The following MTA3 variants were observed in gnomAD, a reference collection of about 807,000 sequenced individuals.
MTA3 encodes metastasis-associated protein MTA3.
A neutral mutation model predicts 83.5 loss-of-function variants in MTA3; 34 were observed. The ratio of observed to expected loss-of-function variants is 0.41; its 90% CI spans 0.31 to 0.54. The LOEUF (loss-of-function observed/expected upper bound fraction) is 0.54. MTA3 is among the 20% of genes least tolerant of loss of function. MTA3 has a pLI of 0.33. For synonymous variants in MTA3, 303 were observed against 252.7 expected (o/e 1.20, Z -1.89); for missense variants, 761 against 726.4 (o/e 1.05, Z -0.55).
chr2:42,598,386 T>C (rs1013501604), intron 3 of MTA3, among the ~76,000 whole-genome samples: 15 of 152,194 alleles, frequency 9.9e-5, no homozygotes, highest in Non-Finnish European at 7.3e-5. Context: ...TATTTCTAAA[T>C]AGTGCTTTTA....
chr2:42,756,604 G>A lies in MTA3; in HGVS notation c.*3205G>A. 1 of 985,644 alleles carries A rather than the reference G, an allele frequency of 1.0e-6. No individual in the cohort carries two copies. The highest frequency in any genetic ancestry group is 1.2e-6 in the Non-Finnish European group (1 of 830,068). 61.1% of individuals were successfully genotyped at this position (985,644 alleles called of 1,614,324 possible). ...GTGTTTGGAGATTCTGTTTTACTCT[G>A]CCTAGAGAGGAAACGGCTTTGGGGA... On this transcript the variant is annotated 3_prime_UTR_variant, in exon 17 of 17. Transcript: ENST00000405094.
At chr2:42,533,943 A>C (rs1278656906) in intron 2 of MTA3, among the ~76,000 whole-genome samples, 2 of 152,068 alleles carry the variant, frequency 1.3e-5, no homozygotes, top group Non-Finnish European at 2.9e-5. Flanking sequence ...CTACCAGACA[A>C]GTTTAAGTTG....
chr2:42,692,986 CAA>C (rs1693043144), intron 9 of MTA3, among the ~76,000 whole-genome samples: 1 of 152,236 alleles, frequency 6.6e-6, no homozygotes, highest in African/African-American at 2.4e-5. Flanking sequence ...TTTGCAGACT[CAA>C]AGTACTCCCT....
intron 16 of MTA3, among the ~76,000 whole-genome samples, chr2:42,740,274 G>A (rs750737823): frequency 6.6e-6 from 1 of 152,232 alleles, no homozygotes; most frequent in African/African-American, 2.4e-5. Context: ...ACTTTGGGAG[G>A]CCAAGACAGG....
At position 42,572,204 on chromosome 2, in the gene MTA3, G is replaced by C. The variant is rs199751717; in HGVS notation, c.96+1700G>C. Among the ~76,000 whole-genome samples, 85 of 152,064 alleles carry C rather than the reference G, an allele frequency of 5.6e-4. 2 individuals are homozygous for C. The East Asian group carries it at 9.3e-3, about 17-fold the overall frequency. ...TGGGGCAGGAGAATGGGGTGAACCT[G>C]GGGGGTGGAGCTTGCAGTGAGCCGA... On this transcript the variant is annotated intron_variant, in intron 2 of 16. Transcript: ENST00000405094.
intron 1 of MTA3, 59 bp downstream of exon 1, chr2:42,568,832 G>C: frequency 8.3e-7 from 1 of 1,209,426 alleles, no homozygotes; most frequent in Non-Finnish European, 1.0e-6. Flanking sequence ...GCGGGGGGCC[G>C]GGGCGAGTGC....
intron 16 of MTA3, chr2:42,752,109 A>G (rs1669918143): frequency 2.2e-6 from 1 of 461,860 alleles, no homozygotes; most frequent in African/African-American, 2.0e-5. Flanking sequence ...CATAACCTAC[A>G]GTATGTTCAA....
chr2:42,704,443 A>T, intron 12 of MTA3, 125 bp downstream of exon 12: 1 of 1,075,180 alleles, frequency 9.3e-7, no homozygotes, highest in South Asian at 1.7e-5. Flanking sequence ...TCTCCTCTAA[A>T]TGAGTAGATG....
chr2:42,528,202 G>GGC (rs1675804821), intron 2 of MTA3, among the ~76,000 whole-genome samples: 1 of 151,154 alleles, frequency 6.6e-6, no homozygotes, highest in African/African-American at 2.4e-5. Flanking sequence ...TGGGATTACA[G>GGC]ATGTGAGCCA....
chr2:42,601,854 T>A (rs1259708797), intron 3 of MTA3, among the ~76,000 whole-genome samples: 1 of 152,138 alleles, frequency 6.6e-6, no homozygotes, highest in Non-Finnish European at 1.5e-5. Flanking sequence ...TGTTTTTGTC[T>A]GATCCCATGG....
At chr2:42,703,959 G>C (rs889747806) in intron 11 of MTA3, 5 of 407,636 alleles carry the variant, frequency 1.2e-5, no homozygotes, top group Admixed American at 7.7e-5. Context: ...AGATGGGACA[G>C]TATTTACTTC....
chr2:42,527,730 CAT>C (rs1675782292), intron 2 of MTA3, among the ~76,000 whole-genome samples: 1 of 151,498 alleles, frequency 6.6e-6, no homozygotes, highest in South Asian at 2.1e-4. Flanking sequence ...ATGGCATTTG[CAT>C]ATGTTTCAGC....
At chr2:42,747,246 C>T (rs1353380387) in intron 16 of MTA3, among the ~76,000 whole-genome samples, 7 of 152,124 alleles carry the variant, frequency 4.6e-5, no homozygotes, top group Non-Finnish European at 1.0e-4. Context: ...GTTATCCGCC[C>T]ACCTCAGCCC....
intron 2 of MTA3, among the ~76,000 whole-genome samples, chr2:42,573,512 A>C (rs1168285414): frequency 6.6e-6 from 1 of 151,798 alleles, no homozygotes; most frequent in Non-Finnish European, 1.5e-5. Flanking sequence ...ATACCTGGCT[A>C]ATTTTTTGTT....
chr2:42,753,724 C>T lies in MTA3; in HGVS notation c.*325C>T, dbSNP rs1048762512. The T allele has an allele frequency of 4.7e-5, 55 of 1,170,464 alleles. No individual in the cohort carries two copies. In the African/African-American group the frequency reaches 5.2e-4, roughly 11 times the overall value. 72.5% of individuals were successfully genotyped at this position (1,170,464 alleles called of 1,614,324 possible). A position where few individuals can be genotyped will look rare whatever the true frequency, so the allele number is the denominator to read the frequency against. Reference sequence around the variant, plus strand: ...CGCCCTGCGCCCCACCCAGCAACAGCGGCCACTTGGCAGTGGGGCTGCTGC... The same window carrying T: ...CGCCCTGCGCCCCACCCAGCAACAGTGGCCACTTGGCAGTGGGGCTGCTGC... On this transcript the variant is annotated 3_prime_UTR_variant, in exon 17 of 17. Coordinates refer to ENST00000405094, the MANE Select transcript of MTA3 (RefSeq NM_001330442.2).
At chr2:42,696,998 TC>T (rs1433182709) in intron 10 of MTA3, among the ~76,000 whole-genome samples, 2 of 152,224 alleles carry the variant, frequency 1.3e-5, no homozygotes, top group African/African-American at 4.8e-5. Flanking sequence ...TCCAAAAACT[TC>T]AACCCTGTTC....
chr2:42,644,446 G>GATC (rs1265435362), intron 6 of MTA3, among the ~76,000 whole-genome samples: 14 of 152,172 alleles, frequency 9.2e-5, no homozygotes, highest in African/African-American at 3.4e-4. Context: ...GGCTGGTCTT[G>GATC]ATCTCCTGGC....
rs1678274968 is a variant in MTA3, at chr2:42,569,896, G to C, written c.29-541G>C. Reference sequence around the variant, plus strand: ...GCCCCCTTTTTTCCTCATCTTCCCAGGTAAAACTGTGGAAAAGTTTGTCAG... The same window carrying C: ...GCCCCCTTTTTTCCTCATCTTCCCACGTAAAACTGTGGAAAAGTTTGTCAG... On this transcript the variant is annotated intron_variant, in intron 1 of 16. Coordinates refer to ENST00000405094, the MANE Select transcript of MTA3 (RefSeq NM_001330442.2). The C allele has an allele frequency of 1.3e-5, 2 of 151,848 alleles. 1 individual carries two copies. Among genetic ancestry groups the C allele is most frequent in the East Asian group, 3.9e-4 (2 of 5,186 alleles). The allele number at this position is 151,848 out of a possible 1,614,324, so 9.4% of individuals were successfully genotyped here.
At chr2:42,701,154 T>C (rs1447104003) in intron 11 of MTA3, among the ~76,000 whole-genome samples, 2 of 151,858 alleles carry the variant, frequency 1.3e-5, no homozygotes, top group Non-Finnish European at 2.9e-5. Context: ...ATCTATTTTA[T>C]AACCAGGCAT....
Sources: gnomAD v4.1 joint callset for allele counts (sites outside exome capture counted in the v4.1 genomes callset) on GRCh38, gnomAD v4.1.1 for gene constraint, MANE v1.5 for transcripts, NCBI Gene and HGNC (gene_info 2026-07-23, HGNC 2026-07-21) for gene names.